The following EEPD1 variants were observed in gnomAD, a reference collection of about 807,000 sequenced individuals.
EEPD1 encodes the protein endonuclease/exonuclease/phosphatase family domain containing 1, also known as endonuclease/exonuclease/phosphatase family domain-containing protein 1.
In EEPD1, 17 loss-of-function variants were observed where a neutral mutation model predicts 46.3. The ratio of observed to expected loss-of-function variants is 0.37; its 90% CI spans 0.25 to 0.55. The LOEUF (loss-of-function observed/expected upper bound fraction) is 0.55. EEPD1 is among the 20% of genes least tolerant of loss of function. The probability of loss-of-function intolerance (pLI) is 0.83; values close to 1 mark genes in which losing one functional copy is unlikely to be tolerated. For synonymous variants in EEPD1, 313 were observed against 315.6 expected (o/e 0.99, Z 0.09); for missense variants, 673 against 745.6 (o/e 0.90, Z 1.13).
chr7:36,259,891 A>G (rs1786892381), intron 3 of EEPD1, among the ~76,000 whole-genome samples: 1 of 152,194 alleles, frequency 6.6e-6, no homozygotes, highest in African/African-American at 2.4e-5. Flanking sequence ...AGTTAGCTAT[A>G]TTAACCATTT....
intron 2 of EEPD1, among the ~76,000 whole-genome samples, chr7:36,191,639 A>G (rs778129404): frequency 2.6e-5 from 4 of 152,170 alleles, no homozygotes; most frequent in Non-Finnish European, 4.4e-5. Context: ...AAGAGAGAAG[A>G]AGGCTCAGAC....
intron 2 of EEPD1, among the ~76,000 whole-genome samples, chr7:36,162,528 C>T (rs889202900): frequency 6.6e-6 from 1 of 152,120 alleles, no homozygotes; most frequent in African/African-American, 2.4e-5. Context: ...CCCATAGTCC[C>T]AGCTACTCAG....
chr7:36,277,793 C>T (rs913681841), intron 3 of EEPD1, among the ~76,000 whole-genome samples: 2 of 152,168 alleles, frequency 1.3e-5, no homozygotes, highest in East Asian at 1.9e-4. Flanking sequence ...TCCCTAATAA[C>T]GTAAATACTG....
At chr7:36,247,433 G>C (rs1786659093) in intron 3 of EEPD1, among the ~76,000 whole-genome samples, 1 of 152,184 alleles carries the variant, frequency 6.6e-6, no homozygotes, top group African/African-American at 2.4e-5. Flanking sequence ...CTTAGTTTCT[G>C]CAACAATTGA....
At chr7:36,197,140 C>T (rs1218607835) in intron 2 of EEPD1, among the ~76,000 whole-genome samples, 2 of 149,926 alleles carry the variant, frequency 1.3e-5, no homozygotes, top group Admixed American at 6.6e-5. Context: ...GCCTGGCAAC[C>T]GCCCCGTCTG....
intron 2 of EEPD1, among the ~76,000 whole-genome samples, chr7:36,189,297 A>G (rs1785421142): frequency 6.6e-6 from 1 of 152,204 alleles, no homozygotes; most frequent in Admixed American, 6.5e-5. Flanking sequence ...CTGAATTCTG[A>G]AGGACAGAAC....
At chr7:36,294,119 G>A (rs941852884) in intron 6 of EEPD1, among the ~76,000 whole-genome samples, 1 of 152,098 alleles carries the variant, frequency 6.6e-6, no homozygotes, top group Non-Finnish European at 1.5e-5. Context: ...TGTGTAGAGT[G>A]TCTAGAAGGG....
At chr7:36,255,696 G>T (rs974987788) in intron 3 of EEPD1, among the ~76,000 whole-genome samples, 3 of 152,074 alleles carry the variant, frequency 2.0e-5, no homozygotes, top group African/African-American at 7.2e-5. Context: ...ATTTTCTATT[G>T]TTTCTATTTG....
At chr7:36,263,337 G>T (rs917576184) in intron 3 of EEPD1, among the ~76,000 whole-genome samples, 1 of 148,978 alleles carries the variant, frequency 6.7e-6, no homozygotes, top group African/African-American at 2.4e-5. Flanking sequence ...TCTCAAGGGA[G>T]GGGGGGGAAA....
At chr7:36,292,229 A>G (rs1246346606) in intron 6 of EEPD1, among the ~76,000 whole-genome samples, 2 of 152,080 alleles carry the variant, frequency 1.3e-5, no homozygotes, top group Admixed American at 6.5e-5. Flanking sequence ...TTTCCCTTTT[A>G]TAGACTAAAA....
chr7:36,263,161 A>G (rs2115833948), intron 3 of EEPD1, among the ~76,000 whole-genome samples: 1 of 152,272 alleles, frequency 6.6e-6, no homozygotes, highest in East Asian at 1.9e-4. Flanking sequence ...GTGAAACTCC[A>G]TTTATACAAA....
At chr7:36,196,597 G>A (rs1785593952) in intron 2 of EEPD1, among the ~76,000 whole-genome samples, 1 of 152,236 alleles carries the variant, frequency 6.6e-6, no homozygotes, top group South Asian at 2.1e-4. Flanking sequence ...TTTCTTTGGT[G>A]GGGACGGGGT....
chr7:36,176,450 A>G (rs377592790), intron 2 of EEPD1, among the ~76,000 whole-genome samples: 1 of 152,208 alleles, frequency 6.6e-6, no homozygotes, highest in African/African-American at 2.4e-5. Context: ...GAATTCCGCA[A>G]GTTCTCCCAT....
chr7:36,235,937 T>G (rs1309093680), intron 2 of EEPD1, among the ~76,000 whole-genome samples: 2 of 151,556 alleles, frequency 1.3e-5, no homozygotes, highest in Non-Finnish European at 3.0e-5. Context: ...CTTTTTTTTT[T>G]TTTTTGAGAC....
intron 3 of EEPD1, among the ~76,000 whole-genome samples, chr7:36,245,445 AT>A (rs1458747838): frequency 6.6e-6 from 1 of 152,174 alleles, no homozygotes; most frequent in Non-Finnish European, 1.5e-5. Context: ...CAGTACATAG[AT>A]ACACAGAGAC....
chr7:36,184,566 T>C (rs926865462), intron 2 of EEPD1, among the ~76,000 whole-genome samples: 3 of 152,336 alleles, frequency 2.0e-5, no homozygotes, highest in Admixed American at 2.0e-4. Flanking sequence ...TTCTTGCCTC[T>C]CCTGAAGAGT....
At chr7:36,183,888 T>TTTTTTTTTTTTTGTTTTTTTTTTTTTTG (rs3053348) in intron 2 of EEPD1, among the ~76,000 whole-genome samples, 1 of 135,418 alleles carries the variant, frequency 7.4e-6, no homozygotes, top group African/African-American at 2.6e-5. Context: ...TTTTTTTTTT[T>TTTTTTTTTTTTTGTTTTTTTTTTTTTTG]ATTTTTAAAA....
intron 7 of EEPD1, among the ~76,000 whole-genome samples, chr7:36,297,819 G>A (rs1201678045): frequency 2.0e-5 from 3 of 152,212 alleles, no homozygotes; most frequent in African/African-American, 7.2e-5. Context: ...AACCTGCTGA[G>A]TCAGGACACA....
chr7:36,166,000 C>T (rs965229685), intron 2 of EEPD1, among the ~76,000 whole-genome samples: 32 of 152,280 alleles, frequency 2.1e-4, no homozygotes, highest in Middle Eastern at 3.4e-3. Context: ...ATACTGTAAA[C>T]GGAGAGGGAT....
Sources: gnomAD v4.1 joint callset for allele counts (sites outside exome capture counted in the v4.1 genomes callset) on GRCh38, gnomAD v4.1.1 for gene constraint, MANE v1.5 for transcripts, NCBI Gene and HGNC (gene_info 2026-07-23, HGNC 2026-07-21) for gene names.